The following GLCE variants were observed in gnomAD, a reference collection of about 807,000 sequenced individuals.
GLCE encodes glucuronic acid epimerase.
In GLCE, 19 loss-of-function variants were observed where a neutral mutation model predicts 47.9. That is an observed-to-expected ratio of 0.40 (90% CI 0.28 to 0.58). GLCE has a LOEUF of 0.58. Among genes scored for constraint, GLCE ranks in the 20% least tolerant of loss-of-function variants. The pLI, the probability that GLCE is intolerant of heterozygous loss-of-function variation, is 0.48. For missense variants in GLCE, 556 were observed against 743.3 expected (o/e 0.75, Z 2.93); for synonymous variants, 245 against 263.4 (o/e 0.93, Z 0.68).
Position 69,243,719 on chromosome 15 carries a change from A to G in GLCE, c.-13-12075A>G, listed in dbSNP as rs542497771. On this transcript the variant is annotated intron_variant, in intron 2 of 4. Transcript: ENST00000261858. ...GAAATTAAACTAAGTAGAAAAAAAA[A>G]AGTTAAAGCTTTTTATTCCCCTTGA... Among the ~76,000 whole-genome samples the G allele has an allele frequency of 2.3e-4, 35 of 148,984 alleles. No individual in the cohort carries two copies. The East Asian group carries it at 6.1e-3, about 26-fold the overall frequency.
intron 2 of GLCE, among the ~76,000 whole-genome samples, chr15:69,247,322 G>C (rs958705787): frequency 2.6e-5 from 4 of 152,192 alleles, no homozygotes; most frequent in African/African-American, 9.7e-5. Context: ...GCCTCTGCTA[G>C]CTTCCAACTT....
intron 2 of GLCE, among the ~76,000 whole-genome samples, chr15:69,217,580 A>C (rs1595761076): frequency 6.6e-6 from 1 of 152,136 alleles, no homozygotes; most frequent in South Asian, 2.1e-4. Flanking sequence ...AACCTGAAAC[A>C]TAATAAAGTG....
intron 2 of GLCE, among the ~76,000 whole-genome samples, chr15:69,245,890 G>A (rs1185020336): frequency 6.6e-5 from 10 of 151,950 alleles, no homozygotes; most frequent in African/African-American, 2.2e-4. Context: ...CACCACGCCC[G>A]GCTAATTTTT....
chr15:69,233,741 A>C (rs1316982498), intron 2 of GLCE, among the ~76,000 whole-genome samples: 1 of 152,174 alleles, frequency 6.6e-6, no homozygotes, highest in Non-Finnish European at 1.5e-5. Context: ...GGCTTAATAG[A>C]GAAGGAAAGA....
chr15:69,188,062 TCAAAAAA>T (rs2051853051), intron 1 of GLCE, among the ~76,000 whole-genome samples: 1 of 151,758 alleles, frequency 6.6e-6, no homozygotes, highest in African/African-American at 2.4e-5. Flanking sequence ...AGACTCCATC[TCAAAAAA>T]CAAAAAACAA....
rs1044108296 is a variant in GLCE, at chr15:69,270,304, G to T, written c.*1060G>T. On this transcript the variant is annotated 3_prime_UTR_variant, in exon 5 of 5. Transcript: ENST00000261858. ...ATCAGCTTCCCAAACTAGTAAGTCT[G>T]TGCATCATTGGGTGTTTTTTTTTAA... 9.2e-5 allele frequency: 14 copies of T among 151,788 alleles called. No individual in the cohort carries two copies. Among genetic ancestry groups the T allele is most frequent in the African/African-American group, 3.4e-4 (14 of 41,298 alleles). 9.4% of individuals were successfully genotyped at this position (151,788 alleles called of 1,614,324 possible). A position where few individuals can be genotyped will look rare whatever the true frequency, so the allele number is the denominator to read the frequency against.
chr15:69,266,485 G>A (rs533436543), intron 4 of GLCE, among the ~76,000 whole-genome samples: 1 of 152,132 alleles, frequency 6.6e-6, no homozygotes, highest in African/African-American at 2.4e-5. Flanking sequence ...ACTGCACTTG[G>A]CTATTGTATT....
intron 1 of GLCE, among the ~76,000 whole-genome samples, chr15:69,183,445 G>A (rs1333120132): frequency 6.6e-6 from 1 of 152,224 alleles, no homozygotes; most frequent in Non-Finnish European, 1.5e-5. Flanking sequence ...CAGGCCTAGA[G>A]AGGCACTGAA....
chr15:69,211,950 G>A (rs1286910452), intron 2 of GLCE, among the ~76,000 whole-genome samples: 1 of 151,940 alleles, frequency 6.6e-6, no homozygotes, highest in African/African-American at 2.4e-5. Context: ...ACTTTTTAAA[G>A]GAGGGAATCT....
chr15:69,206,192 G>C (rs57451711), intron 1 of GLCE, among the ~76,000 whole-genome samples: 18,654 of 151,936 alleles, frequency 0.12, 1,210 homozygotes, highest in East Asian at 0.16. Context: ...TTTGCAGAGT[G>C]TCTCTCAATT....
rs1473969055 is a variant in GLCE, at chr15:69,160,841, G to C, written c.-105+84G>C. ...CAGCCGGAGCAGGCGGGCTCCTGAC[G>C]GGGGCGGCTCTGGGGGCTGCGCGGC... is the stretch of plus-strand genomic sequence containing the variant. On this transcript the variant is annotated intron_variant, in intron 1 of 4. Coordinates refer to ENST00000261858, the MANE Select transcript of GLCE (RefSeq NM_015554.3). This position sits in a 1 kb window ranked among gnomAD's most constrained non-coding sequence, Gnocchi z 4.2. The C allele has an allele frequency of 1.3e-5, 2 of 152,900 alleles. No homozygotes were observed. Among genetic ancestry groups the C allele is most frequent in the Non-Finnish European group, 2.9e-5 (2 of 68,612 alleles). The allele number at this position is 152,900 out of a possible 1,614,324, so 9.5% of individuals were successfully genotyped here.
chr15:69,184,143 C>G (rs2051789317), intron 1 of GLCE, among the ~76,000 whole-genome samples: 1 of 152,156 alleles, frequency 6.6e-6, no homozygotes, highest in Non-Finnish European at 1.5e-5. Context: ...TTTTAACATC[C>G]AGGAATTTTT....
chr15:69,173,421 A>C (rs924260463), intron 1 of GLCE, among the ~76,000 whole-genome samples: 66 of 152,338 alleles, frequency 4.3e-4, no homozygotes, highest in African/African-American at 1.4e-3. Context: ...GTGAAACATG[A>C]AGGGTTGGCA....
At chr15:69,167,485 T>C (rs902478006) in intron 1 of GLCE, among the ~76,000 whole-genome samples, 2 of 152,226 alleles carry the variant, frequency 1.3e-5, no homozygotes, top group African/African-American at 4.8e-5. Flanking sequence ...TTGTCCACAG[T>C]TTACTGATCT....
chr15:69,230,762 A>C (rs966456861), intron 2 of GLCE, among the ~76,000 whole-genome samples: 1 of 152,238 alleles, frequency 6.6e-6, no homozygotes, highest in Non-Finnish European at 1.5e-5. Flanking sequence ...TTGTTATTAT[A>C]GCAAATTACC....
intron 4 of GLCE, among the ~76,000 whole-genome samples, chr15:69,267,453 C>T (rs1392809287): frequency 6.6e-6 from 1 of 152,240 alleles, no homozygotes; most frequent in Non-Finnish European, 1.5e-5. Context: ...GAGCTTTACC[C>T]TGTCACTCCA....
intron 1 of GLCE, among the ~76,000 whole-genome samples, chr15:69,202,319 C>G (rs1421781259): frequency 6.6e-6 from 1 of 151,880 alleles, no homozygotes; most frequent in Non-Finnish European, 1.5e-5. Flanking sequence ...TAGTGAAGAA[C>G]TGCCAACTCA....
chr15:69,207,031 TTTGC>T, intron 1 of GLCE, among the ~76,000 whole-genome samples: 1 of 152,086 alleles, frequency 6.6e-6, no homozygotes, highest in Non-Finnish European at 1.5e-5. Context: ...GCTTCCCCAC[TTTGC>T]TTATCTGTAA....
At chr15:69,173,299 C>G (rs992247414) in intron 1 of GLCE, among the ~76,000 whole-genome samples, 1 of 152,074 alleles carries the variant, frequency 6.6e-6, no homozygotes, top group Non-Finnish European at 1.5e-5. Context: ...GTAATTGAAA[C>G]ATTGAGGTTG....
Sources: allele counts gnomAD v4.1 joint callset (sites outside exome capture counted in the v4.1 genomes callset), GRCh38; gene constraint gnomAD v4.1.1; non-coding constraint Gnocchi (gnomAD v3.1); transcripts MANE v1.5; gene names NCBI Gene and HGNC (gene_info 2026-07-23, HGNC 2026-07-21).